PCDH9: variants seen among roughly 807,000 people sequenced by gnomAD.
PCDH9 encodes protocadherin 9.
Under a neutral mutation model 70.6 loss-of-function variants are expected in PCDH9, and 24 were observed. The observed-to-expected ratio is 0.34, with a 90% CI of 0.25 to 0.48. The LOEUF (loss-of-function observed/expected upper bound fraction) is 0.48, where lower values mean the gene tolerates loss of function less well. Ranked by LOEUF, PCDH9 falls within the 20% of genes least tolerant of loss-of-function variation. PCDH9 has a pLI of 0.99. For synonymous variants in PCDH9, 562 were observed against 558.5 expected, an observed-to-expected ratio of 1.01 and a Z score of -0.09; for missense variants, 1,281 against 1,503.6, an observed-to-expected ratio of 0.85 and a Z score of 2.45.
intron 3 of PCDH9, among the ~76,000 whole-genome samples, chr13:66,861,748 T>G (rs931359408): frequency 6.6e-6 from 1 of 152,154 alleles, no homozygotes; most frequent in Non-Finnish European, 1.5e-5. Context: ...AATATTTCCA[T>G]AGCTTTACAT....
chr13:66,890,443 C>T (rs1594213531), intron 3 of PCDH9, among the ~76,000 whole-genome samples: 1 of 136,104 alleles, frequency 7.3e-6, no homozygotes, highest in Admixed American at 7.7e-5. Flanking sequence ...CTGTAGACTT[C>T]TGAACTTTTT....
chr13:66,712,281 A>G (rs940476814), intron 3 of PCDH9, among the ~76,000 whole-genome samples: 3 of 152,158 alleles, frequency 2.0e-5, no homozygotes, highest in Non-Finnish European at 4.4e-5. Context: ...CTTACATTGA[A>G]TGAAAAAACG....
At chr13:66,626,063 A>AT (rs200323931) in intron 4 of PCDH9, among the ~76,000 whole-genome samples, 11 of 151,746 alleles carry the variant, frequency 7.2e-5, no homozygotes, top group South Asian at 4.2e-4. Context: ...CTATCATGAG[A>AT]TTTTTTTTTC....
chr13:66,346,394 T>C (rs1314412698), intron 4 of PCDH9, among the ~76,000 whole-genome samples: 1 of 152,054 alleles, frequency 6.6e-6, no homozygotes, highest in African/African-American at 2.4e-5. Context: ...GCATGTGCTG[T>C]GTGTGTGTGT....
At chr13:66,978,660 T>A (rs900514956) in intron 2 of PCDH9, among the ~76,000 whole-genome samples, 34 of 150,228 alleles carry the variant, frequency 2.3e-4, no homozygotes, top group African/African-American at 8.0e-4. Flanking sequence ...TTTTCTTAGT[T>A]TATGCTACTA....
intron 4 of PCDH9, among the ~76,000 whole-genome samples, chr13:66,462,456 C>T (rs1228604046): frequency 2.0e-5 from 3 of 151,636 alleles, no homozygotes; most frequent in African/African-American, 7.2e-5. Context: ...AGAAAGATCA[C>T]GGGAGCTAAA....
intron 3 of PCDH9, among the ~76,000 whole-genome samples, chr13:66,827,747 G>A (rs534515268): frequency 6.6e-6 from 1 of 152,238 alleles, no homozygotes; most frequent in South Asian, 2.1e-4. Context: ...TTTTGCCCAC[G>A]ATCAACTGTA....
intron 2 of PCDH9, chr13:67,218,184 T>G (rs2089649962): frequency 6.6e-6 from 1 of 152,166 alleles, no homozygotes. Flanking sequence ...TCTAAGAGCT[T>G]ATGAAGGGTT....
chr13:66,711,960 A>G (rs2078800712), intron 3 of PCDH9, among the ~76,000 whole-genome samples: 1 of 152,152 alleles, frequency 6.6e-6, no homozygotes, highest in African/African-American at 2.4e-5. Flanking sequence ...GGTTTATGAC[A>G]TTGCATGATC....
At position 66,776,530 on chromosome 13, in the gene PCDH9, T is replaced by C. The variant is rs956723774; in HGVS notation, c.3138+126974A>G. ...ATCATGAGTGAACTCCCATTCACAA[T>C]TGCTTCAAAGAGAATAAAATACCTA... On this transcript the variant is annotated intron_variant, in intron 3 of 4. Transcript: ENST00000377865. 8.6e-5 allele frequency among the ~76,000 whole-genome samples: 13 copies of C among 151,826 alleles called. No homozygotes were observed. In the East Asian group the frequency reaches 1.4e-3, roughly 16 times the overall value.
intron 4 of PCDH9, among the ~76,000 whole-genome samples, chr13:66,417,223 T>A (rs1038170620): frequency 1.3e-5 from 2 of 152,162 alleles, no homozygotes; most frequent in Non-Finnish European, 2.9e-5. Flanking sequence ...TTCCCCTCCC[T>A]GTGACCCTGT....
intron 3 of PCDH9, among the ~76,000 whole-genome samples, chr13:66,799,945 G>A (rs908355158): frequency 1.3e-5 from 2 of 152,106 alleles, no homozygotes; most frequent in African/African-American, 4.8e-5. Flanking sequence ...TGGTCAACTG[G>A]ATGGGGACAG....
intron 2 of PCDH9, among the ~76,000 whole-genome samples, chr13:66,935,503 A>ATTTATTTTCTTT (rs2082901319): frequency 2.0e-5 from 3 of 152,300 alleles, no homozygotes; most frequent in African/African-American, 7.2e-5. Flanking sequence ...AAGTGATACA[A>ATTTATTTTCTTT]TGTGCAAATA....
chr13:66,416,008 G>C (rs1006484823), intron 4 of PCDH9, among the ~76,000 whole-genome samples: 9 of 152,216 alleles, frequency 5.9e-5, no homozygotes, highest in Admixed American at 4.6e-4. Flanking sequence ...TGTAATCTTA[G>C]ACTACTGCAA....
At chr13:66,349,323 T>C (rs1301853282) in intron 4 of PCDH9, among the ~76,000 whole-genome samples, 1 of 152,212 alleles carries the variant, frequency 6.6e-6, no homozygotes, top group Non-Finnish European at 1.5e-5. Context: ...CTCTGCACTT[T>C]GTTTGTCTTC....
At chr13:66,985,114 T>C (rs2083863940) in intron 2 of PCDH9, among the ~76,000 whole-genome samples, 2 of 152,156 alleles carry the variant, frequency 1.3e-5, no homozygotes, top group African/African-American at 4.8e-5. Context: ...GGCCTAGCCA[T>C]CACTGTCTGT....
rs568741618 is a variant in PCDH9 at position 66,303,783 on chromosome 13, G to C, written c.*872C>G. 10 of 152,148 alleles carry C rather than the reference G, an allele frequency of 6.6e-5. No homozygotes were observed. In the East Asian group the frequency reaches 1.9e-3, roughly 29 times the overall value. 9.4% of individuals were successfully genotyped at this position (152,148 alleles called of 1,614,324 possible). On this transcript the variant is annotated 3_prime_UTR_variant, in exon 5 of 5. Transcript: ENST00000377865. ...TTGAAAATAAGATGATAAAAAATAG[G>C]TTCTGAATTTCCAAGCTTTTGCAGA...
At chr13:66,596,309 C>T (rs544309886) in intron 4 of PCDH9, among the ~76,000 whole-genome samples, 39 of 151,712 alleles carry the variant, frequency 2.6e-4, no homozygotes, top group African/African-American at 8.7e-4. Flanking sequence ...ACAAATGATT[C>T]TTTAATGAAT....
intron 3 of PCDH9, among the ~76,000 whole-genome samples, chr13:66,632,142 G>A (rs924204054): frequency 2.6e-5 from 4 of 152,080 alleles, no homozygotes; most frequent in Admixed American, 6.5e-5. Flanking sequence ...TAATCCGCCC[G>A]CCTTGGCCTC....
Sources: allele counts gnomAD v4.1 joint callset (sites outside exome capture counted in the v4.1 genomes callset), GRCh38; gene constraint gnomAD v4.1.1; transcripts MANE v1.5; gene names NCBI Gene and HGNC (gene_info 2026-07-23, HGNC 2026-07-21).